Variants in RBM6 observed in about 807,000 individuals in gnomAD.
RBM6 encodes the protein RNA binding motif protein 6, also known as RNA-binding protein 6.
Under a neutral mutation model 140.4 loss-of-function variants are expected in RBM6, and 23 were observed. The ratio of observed to expected loss-of-function variants is 0.16; its 90% CI spans 0.12 to 0.23. The LOEUF is 0.23. Ranked by LOEUF, RBM6 falls within the 10% of genes least tolerant of loss-of-function variation. The pLI is 1.00. For missense variants in RBM6, 1,139 were observed against 1,386.7 expected, an observed-to-expected ratio of 0.82 and a Z score of 2.84; for synonymous variants, 439 against 475.6, an observed-to-expected ratio of 0.92 and a Z score of 1.00.
intron 5 of RBM6, among the ~76,000 whole-genome samples, chr3:49,982,710 G>A (rs1483115950): frequency 6.8e-6 from 1 of 148,022 alleles, no homozygotes; most frequent in Admixed American, 6.8e-5. Context: ...GAGCCACCGT[G>A]TCTGGCCTAT....
At chr3:49,974,639 T>G (rs2084976230) in intron 4 of RBM6, among the ~76,000 whole-genome samples, 1 of 149,100 alleles carries the variant, frequency 6.7e-6, no homozygotes. Context: ...CCCAAAGTGC[T>G]GGGATTACAG....
intron 7 of RBM6, among the ~76,000 whole-genome samples, chr3:50,049,342 C>G (rs1419565038): frequency 6.6e-6 from 1 of 152,026 alleles, no homozygotes; most frequent in Non-Finnish European, 1.5e-5. Context: ...GAACTCCTGA[C>G]CTCATTATCC....
At chr3:50,049,865 T>A (rs573474578) in intron 7 of RBM6, among the ~76,000 whole-genome samples, 14 of 151,528 alleles carry the variant, frequency 9.2e-5, no homozygotes, top group South Asian at 2.1e-4. Flanking sequence ...TTTTTTTTTT[T>A]AAATAAGAGA....
chr3:49,945,541 A>AACCCC lies in RBM6; in HGVS notation c.-67+5316_-67+5317insACCCC, dbSNP rs909321469. ...TGTTGAAGCCCTAAGCCCCAGTGTG[A>AACCCC]CTGTATTTGGAAATAGGACCTTTAC... On this transcript the variant is annotated intron_variant, in intron 1 of 20. Coordinates refer to ENST00000266022, the MANE Select transcript of RBM6 (RefSeq NM_005777.3). 4.6e-5 allele frequency among the ~76,000 whole-genome samples: 7 copies of AACCCC among 152,138 alleles called. 1 individual carries two copies. The highest frequency in any genetic ancestry group is 4.6e-4 in the Admixed American group (7 of 15,236).
intron 6 of RBM6, among the ~76,000 whole-genome samples, chr3:50,004,474 ATTT>A (rs1182296633): frequency 3.9e-5 from 4 of 103,326 alleles, no homozygotes; most frequent in Non-Finnish European, 3.9e-5. Flanking sequence ...ACAGCTGGCT[ATTT>A]TTTTTTTTTT....
intron 1 of RBM6, among the ~76,000 whole-genome samples, chr3:49,943,676 A>G (rs1300263553): frequency 1.3e-5 from 2 of 151,588 alleles, no homozygotes; most frequent in Non-Finnish European, 1.5e-5. Context: ...CTGGTCTCAA[A>G]CTCCTGGCCT....
intron 6 of RBM6, among the ~76,000 whole-genome samples, chr3:50,038,294 T>G (rs1439762237): frequency 6.6e-6 from 1 of 152,160 alleles, no homozygotes; most frequent in African/African-American, 2.4e-5. Flanking sequence ...CTCCTGCCAT[T>G]AAGTTTTTAA....
intron 5 of RBM6, among the ~76,000 whole-genome samples, chr3:49,987,390 AT>A (rs2085611701): frequency 6.6e-6 from 1 of 151,144 alleles, no homozygotes; most frequent in Non-Finnish European, 1.5e-5. Flanking sequence ...ATCTTGGCTC[AT>A]TGCAACCTCC....
intron 15 of RBM6, among the ~76,000 whole-genome samples, chr3:50,062,349 C>T (rs772427267): frequency 1.3e-5 from 2 of 151,970 alleles, no homozygotes; most frequent in Non-Finnish European, 2.9e-5. Context: ...ACTAAAAATA[C>T]AAAAATTAGC....
intron 20 of RBM6, among the ~76,000 whole-genome samples, chr3:50,075,657 T>C (rs1271468633): frequency 1.3e-5 from 2 of 152,124 alleles, no homozygotes; most frequent in Admixed American, 1.3e-4. Flanking sequence ...CAATGAAAGG[T>C]ACAGAGGCAT....
Position 50,075,271 on chromosome 3 carries a change from G to C in RBM6, c.3187G>C (p.Gly1063Arg). The C allele has an allele frequency of 6.2e-7, 1 of 1,614,208 alleles. No individual in the cohort carries two copies. The highest frequency in any genetic ancestry group is 8.5e-7 in the Non-Finnish European group (1 of 1,180,026). The change falls in exon 20 of 21, where the codon GGC becomes CGC. Residue 1063 changes from glycine to arginine, a missense_variant. Transcript: ENST00000266022. ...AGGAGGCTGTGTCCAACAGGCTACT[G>C]GCTGGAGGAAAGGGACAGGCCTGGG... ...SKGGCVQQAT[G>R]WRKGTGLGYG...
At chr3:50,049,758 T>A (rs947589144) in intron 7 of RBM6, among the ~76,000 whole-genome samples, 1 of 152,154 alleles carries the variant, frequency 6.6e-6, no homozygotes, top group East Asian at 1.9e-4. Flanking sequence ...TAACATTACA[T>A]TTGCCATTTT....
At chr3:49,953,833 T>TAAAAAAAAAAA (rs1198444670) in intron 1 of RBM6, among the ~76,000 whole-genome samples, 1 of 150,602 alleles carries the variant, frequency 6.6e-6, no homozygotes, top group African/African-American at 2.4e-5. Flanking sequence ...CCTGACTAAT[T>TAAAAAAAAAAA]AAAAAAAAAA....
At chr3:50,028,713 A>C (rs755954104) in intron 6 of RBM6, among the ~76,000 whole-genome samples, 10 of 152,222 alleles carry the variant, frequency 6.6e-5, no homozygotes, top group Non-Finnish European at 1.5e-4. Context: ...AGCAGGGACT[A>C]TTTCTTTTCT....
intron 8 of RBM6, 25 bp from the exon 9 acceptor site, chr3:50,057,696 TCTAGAGA>T (rs1426557518): frequency 6.4e-7 from 1 of 1,570,448 alleles, no homozygotes; most frequent in Non-Finnish European, 8.6e-7. Context: ...GATAAAGCTT[TCTAGAGA>T]TTCTCTTTGT....
intron 6 of RBM6, among the ~76,000 whole-genome samples, chr3:50,032,822 C>T (rs1177785637): frequency 1.3e-5 from 2 of 150,746 alleles, no homozygotes; most frequent in Admixed American, 1.3e-4. Flanking sequence ...CCTGTCTCTA[C>T]TAAAAATACA....
rs529946318 is a variant in RBM6, at chr3:49,973,308, A to G, written c.1413+1160A>G. On this transcript the variant is annotated intron_variant, in intron 4 of 20. Coordinates refer to ENST00000266022, the MANE Select transcript of RBM6 (RefSeq NM_005777.3). ...AATGGGGCTGTTTTTTGTATTGTGT[A>G]GTTAGGGAGACATCACTGAGGAAGA... Among the ~76,000 whole-genome samples the G allele has an allele frequency of 3.8e-3, 584 of 151,870 alleles. 4 individuals carry two copies. The highest frequency in any genetic ancestry group is 0.014 in the African/African-American group (570 of 41,410).
intron 6 of RBM6, among the ~76,000 whole-genome samples, chr3:50,008,007 G>A (rs1175279655): frequency 1.3e-5 from 2 of 152,112 alleles, no homozygotes; most frequent in Non-Finnish European, 2.9e-5. Context: ...GAGGTAGGAG[G>A]ATCACTTGTG....
intron 20 of RBM6, 38 bp from the exon 21 acceptor site, chr3:50,076,968 ATC>A (rs745308202): frequency 6.3e-6 from 10 of 1,580,536 alleles, no homozygotes; most frequent in Non-Finnish European, 8.6e-6. Context: ...AGGCTAATTA[ATC>A]TATAGGGCCC....
Sources: allele counts gnomAD v4.1 joint callset (sites outside exome capture counted in the v4.1 genomes callset), GRCh38; gene constraint gnomAD v4.1.1; transcripts MANE v1.5; gene names NCBI Gene and HGNC (gene_info 2026-07-23, HGNC 2026-07-21).